DSCAM: variants seen among roughly 807,000 people sequenced by gnomAD.
DSCAM encodes DS cell adhesion molecule, also known as cell adhesion molecule DSCAM.
Under a neutral mutation model 217.7 loss-of-function variants are expected in DSCAM, and 47 were observed. The ratio of observed to expected loss-of-function variants is 0.22; its 90% CI spans 0.17 to 0.28. The LOEUF (loss-of-function observed/expected upper bound fraction) is 0.28, where lower values mean the gene tolerates loss of function less well. Among genes scored for constraint, DSCAM ranks in the 10% least tolerant of loss-of-function variants. The pLI is 1.00. For missense variants in DSCAM, 2,080 were observed against 2,618.3 expected (o/e 0.79, Z 4.49); for synonymous variants, 1,056 against 1,015.3 (o/e 1.04, Z -0.76).
chr21:40,022,822 T>A (rs2088298960), intron 32 of DSCAM, among the ~76,000 whole-genome samples: 1 of 152,144 alleles, frequency 6.6e-6, no homozygotes, highest in Non-Finnish European at 1.5e-5. Context: ...TAGCAACAAG[T>A]AATATTTACC....
chr21:40,604,868 T>C (rs1273741764), intron 3 of DSCAM, among the ~76,000 whole-genome samples: 7 of 152,154 alleles, frequency 4.6e-5, no homozygotes, highest in African/African-American at 1.4e-4. Flanking sequence ...GTTTATTTGT[T>C]TGTTTGTTTT....
intron 20 of DSCAM, among the ~76,000 whole-genome samples, chr21:40,101,456 G>GT (rs5843998): frequency 2.0e-4 from 30 of 150,418 alleles, no homozygotes; most frequent in Admixed American, 7.3e-4. Flanking sequence ...GTGGAAGACA[G>GT]TTTTTTTTTT....
At chr21:40,369,318 A>C in intron 3 of DSCAM, 73 bp from the exon 4 acceptor site, 1 of 1,493,586 alleles carries the variant, frequency 6.7e-7, no homozygotes, top group Admixed American at 2.3e-5. Context: ...AAAGTCCTTA[A>C]ACAGTTTTTT....
At chr21:40,387,066 A>G (rs2075093035) in intron 3 of DSCAM, among the ~76,000 whole-genome samples, 1 of 152,152 alleles carries the variant, frequency 6.6e-6, no homozygotes, top group Non-Finnish European at 1.5e-5. Flanking sequence ...AATTATTTTG[A>G]AAACTCTCCA....
intron 9 of DSCAM, among the ~76,000 whole-genome samples, chr21:40,307,006 C>T (rs1306734649): frequency 1.3e-5 from 2 of 152,146 alleles, no homozygotes; most frequent in Non-Finnish European, 2.9e-5. Flanking sequence ...GGAATAATTT[C>T]AGAAGGAATG....
intron 1 of DSCAM, among the ~76,000 whole-genome samples, chr21:40,723,173 T>C (rs1338776967): frequency 6.6e-6 from 1 of 151,988 alleles, no homozygotes; most frequent in Non-Finnish European, 1.5e-5. Flanking sequence ...TTCTTGAATG[T>C]TGGAGGTTAA....
intron 3 of DSCAM, among the ~76,000 whole-genome samples, chr21:40,551,600 G>A (rs2076630523): frequency 6.6e-6 from 1 of 152,122 alleles, no homozygotes; most frequent in Non-Finnish European, 1.5e-5. Context: ...ATTCCTTACA[G>A]GTGCAAAATT....
intron 3 of DSCAM, among the ~76,000 whole-genome samples, chr21:40,411,191 C>CAA (rs1294240789): frequency 6.7e-6 from 1 of 150,038 alleles, no homozygotes; most frequent in Non-Finnish European, 1.5e-5. Context: ...CACACACACA[C>CAA]ACACACACAC....
chr21:40,582,270 G>A (rs1372076677), intron 3 of DSCAM, among the ~76,000 whole-genome samples: 4 of 152,136 alleles, frequency 2.6e-5, no homozygotes, highest in African/African-American at 9.7e-5. Context: ...TTTAAATAAT[G>A]AGAATACTTA....
Position 40,708,691 on chromosome 21 carries a change from TC to T in DSCAM, c.123del (p.Thr42LeufsTer13). 1 of 1,611,614 alleles carries T rather than the reference TC, an allele frequency of 6.2e-7. No individual in the cohort carries two copies. The highest frequency in any genetic ancestry group is 8.5e-7 in the Non-Finnish European group (1 of 1,178,892). ...LQEVVFASTT[G>X]TLVPCPAAGI... ...CCTGCTGCGGGGCAGGGCACCAGAG[TC>T]CCCGTGGTGCTGGCAAACACTACCT... On this transcript the variant is annotated frameshift_variant, in exon 2 of 33. Transcript: ENST00000400454. LOFTEE classifies it high-confidence loss of function.
At position 40,147,858 on chromosome 21, in the gene DSCAM, A is replaced by T. The variant is rs539001975; in HGVS notation, c.3019-3127T>A. Among the ~76,000 whole-genome samples the T allele has an allele frequency of 2.6e-4, 39 of 151,948 alleles. No individual in the cohort carries two copies. In the South Asian group the frequency reaches 7.7e-3, roughly 30 times the overall value. ...TTTAACCTTTTTTTAATTGTTGGGGATATTATTGTTTCCAGGTTTATTTAC... is the reference window on the plus strand; with the variant it reads ...TTTAACCTTTTTTTAATTGTTGGGGTTATTATTGTTTCCAGGTTTATTTAC... On this transcript the variant is annotated intron_variant, in intron 16 of 32. Transcript: ENST00000400454.
At chr21:40,143,413 T>A (rs965858863) in intron 17 of DSCAM, among the ~76,000 whole-genome samples, 1 of 152,182 alleles carries the variant, frequency 6.6e-6, no homozygotes, top group African/African-American at 2.4e-5. Flanking sequence ...ACAATTCCAG[T>A]GTTCAGGCTG....
chr21:40,810,644 T>C (rs1352491024), intron 1 of DSCAM, among the ~76,000 whole-genome samples: 1 of 152,206 alleles, frequency 6.6e-6, no homozygotes, highest in African/African-American at 2.4e-5. Flanking sequence ...CACATGCCTG[T>C]AGTCCCAGCT....
At chr21:40,652,316 A>T (rs189368707) in intron 3 of DSCAM, among the ~76,000 whole-genome samples, 2 of 146,486 alleles carry the variant, frequency 1.4e-5, no homozygotes, top group East Asian at 2.0e-4. Flanking sequence ...AGTTAAAATT[A>T]AGGTTGGAAA....
intron 3 of DSCAM, among the ~76,000 whole-genome samples, chr21:40,567,143 T>C (rs1427109934): frequency 1.3e-5 from 2 of 152,206 alleles, no homozygotes; most frequent in Admixed American, 6.5e-5. Context: ...GGATTACATA[T>C]GTTTTTCCTT....
At chr21:40,771,263 A>G (rs2091442431) in intron 1 of DSCAM, among the ~76,000 whole-genome samples, 1 of 152,180 alleles carries the variant, frequency 6.6e-6, no homozygotes, top group Non-Finnish European at 1.5e-5. Flanking sequence ...TGAGCAGGCC[A>G]TGGGCTGGGT....
rs1287040027 is a variant in DSCAM, at chr21:40,228,688, AGAAGTTCCAAGTGCTTG to A, written c.2357-39467_2357-39451del. On this transcript the variant is annotated intron_variant, in intron 11 of 32. Transcript: ENST00000400454. Reference sequence around the variant, plus strand: ...TACTTCTTTATTTTCTAACTCTACAAGAAGTTCCAAGTGCTTGGAAGTTCCAAGTTCTTTTATATTCC... The same window carrying A: ...TACTTCTTTATTTTCTAACTCTACAAGAAGTTCCAAGTTCTTTTATATTCC... 6.0e-5 allele frequency among the ~76,000 whole-genome samples: 9 copies of A among 150,968 alleles called. No homozygotes were observed. In the South Asian group the frequency reaches 1.7e-3, roughly 28 times the overall value.
chr21:40,427,764 G>GCTA (rs1330042342), intron 3 of DSCAM, among the ~76,000 whole-genome samples: 31 of 152,240 alleles, frequency 2.0e-4, no homozygotes, highest in Non-Finnish European at 3.8e-4. Context: ...AGCTAGGGAG[G>GCTA]CTATGCTCAC....
intron 10 of DSCAM, among the ~76,000 whole-genome samples, chr21:40,282,195 T>C (rs1210454863): frequency 6.6e-6 from 1 of 152,192 alleles, no homozygotes; most frequent in Non-Finnish European, 1.5e-5. Flanking sequence ...GCTATTAATG[T>C]CGTTCCCAAA....
Sources: gnomAD v4.1 joint callset for allele counts (sites outside exome capture counted in the v4.1 genomes callset) on GRCh38, gnomAD v4.1.1 for gene constraint, MANE v1.5 for transcripts, NCBI Gene and HGNC (gene_info 2026-07-23, HGNC 2026-07-21) for gene names.